Variants in PIK3CD observed in about 807,000 individuals in gnomAD.
PIK3CD encodes phosphatidylinositol 4,5-bisphosphate 3-kinase catalytic subunit delta isoform.
Under a neutral mutation model 122.9 loss-of-function variants are expected in PIK3CD, and 20 were observed. The ratio of observed to expected loss-of-function variants is 0.16; its 90% CI spans 0.11 to 0.24. PIK3CD has a LOEUF of 0.24. PIK3CD is among the 10% of genes least tolerant of loss of function. The pLI is 1.00. For missense variants in PIK3CD, 787 were observed against 1,406.3 expected (o/e 0.56, Z 7.04); for synonymous variants, 596 against 593.4 (o/e 1.00, Z -0.06).
chr1:9,721,382 A>C, intron 14 of PIK3CD, 62 bp from the exon 15 acceptor site: 2 of 1,609,930 alleles, frequency 1.2e-6, no homozygotes, highest in Non-Finnish European at 1.7e-6. Context: ...CTGGCTGCCG[A>C]GGGAGCTCCC....
At chr1:9,666,176 C>A (rs996252237) in intron 1 of PIK3CD, among the ~76,000 whole-genome samples, 1 of 151,296 alleles carries the variant, frequency 6.6e-6, no homozygotes, top group African/African-American at 2.4e-5. Context: ...GATCCACCCA[C>A]CTCAGCCTCC....
At chr1:9,669,775 A>G (rs1278499425) in intron 1 of PIK3CD, among the ~76,000 whole-genome samples, 1 of 152,156 alleles carries the variant, frequency 6.6e-6, no homozygotes, top group Non-Finnish European at 1.5e-5. Flanking sequence ...AGTTAAGAAC[A>G]TCAGGATATT....
At chr1:9,653,832 C>T (rs1163545301) in intron 1 of PIK3CD, 14 of 1,367,446 alleles carry the variant, frequency 1.0e-5, no homozygotes, top group African/African-American at 1.5e-5. Context: ...GGCCTGCTGG[C>T]GGCTTCCTGG....
At chr1:9,690,747 G>A (rs1646168890) in intron 1 of PIK3CD, among the ~76,000 whole-genome samples, 1 of 152,216 alleles carries the variant, frequency 6.6e-6, no homozygotes. Context: ...TTTGACTCAT[G>A]GAGAAGCCGG....
chr1:9,630,178 C>T, the PIK3CD span, among the ~76,000 whole-genome samples: 1 of 152,220 alleles, frequency 6.6e-6, no homozygotes, highest in South Asian at 2.1e-4. Flanking sequence ...CCAGGCTGGA[C>T]CCACGTCTGT....
In PIK3CD at chr1:9,720,313, C is replaced by T; in HGVS notation, c.1470+71C>T. 6.5e-7 allele frequency: 1 copy of T among 1,539,494 alleles called. No homozygotes were observed. Among genetic ancestry groups the T allele is most frequent in the Non-Finnish European group, 8.8e-7 (1 of 1,137,968 alleles). On this transcript the variant is annotated intron_variant, in intron 11 of 23. Coordinates refer to ENST00000377346, the MANE Select transcript of PIK3CD (RefSeq NM_005026.5). This position sits in a 1 kb window ranked among gnomAD's most constrained non-coding sequence, Gnocchi z 9.0. ...CTCTCCTGGCCCTGCTCCTGGAGCT[C>T]TTCAGAGGGTGCTCCCTGGCCACGT...
chr1:9,677,698 C>A lies in PIK3CD; in HGVS notation c.-137-13769C>A, dbSNP rs528112789. ...AGAGGCTGCATCTGGGAATTATAGG[C>A]CGTGATCTTCCAGATCGTGCATGCG... On this transcript the variant is annotated intron_variant, in intron 1 of 23. Transcript: ENST00000377346. 3.3e-5 allele frequency among the ~76,000 whole-genome samples: 5 copies of A among 151,448 alleles called. No individual in the cohort carries two copies. In the South Asian group the frequency reaches 1.0e-3, roughly 32 times the overall value.
rs1570253950 is a variant in PIK3CD at position 9,692,187 on chromosome 1, T to C, written c.-33+616T>C. ...CATCTGGGGGCCTGGAATAGCTGGG[T>C]CTGGCTTGGGAGCTCCATGACTGCG... On this transcript the variant is annotated intron_variant, in intron 2 of 23. Transcript: ENST00000377346. 2.0e-5 allele frequency among the ~76,000 whole-genome samples: 3 copies of C among 152,162 alleles called. No individual in the cohort carries two copies. In the South Asian group the frequency reaches 6.2e-4, roughly 31 times the overall value.
At chr1:9,682,427 G>A (rs1456472774) in intron 1 of PIK3CD, among the ~76,000 whole-genome samples, 3 of 150,568 alleles carry the variant, frequency 2.0e-5, no homozygotes, top group Non-Finnish European at 3.0e-5. Context: ...TAGGAGAGAC[G>A]AAGTTTAACC....
At chr1:9,661,200 G>A (rs1557595622) in intron 1 of PIK3CD, among the ~76,000 whole-genome samples, 1 of 151,948 alleles carries the variant, frequency 6.6e-6, no homozygotes, top group Non-Finnish European at 1.5e-5. Flanking sequence ...CTCCCAAAGT[G>A]CTGGGATTAC....
At chr1:9,702,452 C>T (rs1182818519) in intron 2 of PIK3CD, among the ~76,000 whole-genome samples, 8 of 131,860 alleles carry the variant, frequency 6.1e-5, no homozygotes, top group East Asian at 2.2e-4. Context: ...GCACAGAGAT[C>T]GGAGTTTGAC....
the PIK3CD span, among the ~76,000 whole-genome samples, chr1:9,645,183 G>T: frequency 1.1e-4 from 17 of 151,848 alleles, no homozygotes; most frequent in Non-Finnish European, 4.4e-5. Flanking sequence ...ACCACACCTG[G>T]CTAATTTTTG....
At chr1:9,651,728 C>T (rs1304569029), upstream of PIK3CD, 5 of 152,162 alleles carry the variant, frequency 3.3e-5, no homozygotes, top group East Asian at 9.7e-4. Flanking sequence ...TCCCTCGAGG[C>T]TCACTCGCGC....
chr1:9,701,270 C>T (rs1172342792), intron 2 of PIK3CD, among the ~76,000 whole-genome samples: 1 of 152,166 alleles, frequency 6.6e-6, no homozygotes, highest in Non-Finnish European at 1.5e-5. Flanking sequence ...ACTTGAGTCC[C>T]TTTCCCACGA....
At chr1:9,657,972 C>T (rs1471132903) in intron 1 of PIK3CD, among the ~76,000 whole-genome samples, 1 of 152,098 alleles carries the variant, frequency 6.6e-6, no homozygotes, top group Non-Finnish European at 1.5e-5. Flanking sequence ...GGCTGGGCCC[C>T]CCCCTTGCAT....
At chr1:9,642,408 C>T in the PIK3CD span, among the ~76,000 whole-genome samples, 1 of 151,278 alleles carries the variant, frequency 6.6e-6, no homozygotes, top group African/African-American at 2.4e-5. Flanking sequence ...CCGCTGTGCC[C>T]AGCCTCTGTT....
At chr1:9,628,622 AGT>A in the PIK3CD span, among the ~76,000 whole-genome samples, 1 of 152,224 alleles carries the variant, frequency 6.6e-6, no homozygotes, top group Non-Finnish European at 1.5e-5. Flanking sequence ...TTTCAGCCTC[AGT>A]GACCGGGCAG....
chr1:9,697,726 C>T (rs1377167744), intron 2 of PIK3CD, among the ~76,000 whole-genome samples: 8 of 151,432 alleles, frequency 5.3e-5, no homozygotes, highest in South Asian at 4.2e-4. Context: ...AAGTGAGACC[C>T]TGTCTCTAAA....
the PIK3CD span, among the ~76,000 whole-genome samples, chr1:9,635,121 C>T: frequency 1.9e-4 from 29 of 151,944 alleles, no homozygotes; most frequent in African/African-American, 6.7e-4. Flanking sequence ...GTGAAACCCC[C>T]TCTCTTAGCC....
Sources: gnomAD v4.1 joint callset for allele counts (sites outside exome capture counted in the v4.1 genomes callset) on GRCh38, gnomAD v4.1.1 for gene constraint, Gnocchi (gnomAD v3.1) non-coding constraint, MANE v1.5 for transcripts, NCBI Gene and HGNC (gene_info 2026-07-23, HGNC 2026-07-21) for gene names.